GABRB2: variants seen among roughly 807,000 people sequenced by gnomAD.
The protein encoded by GABRB2 is gamma-aminobutyric acid type A receptor subunit beta2.
Under a neutral mutation model 54.7 loss-of-function variants are expected in GABRB2, and 16 were observed. The observed-to-expected ratio is 0.29, with a 90% CI of 0.20 to 0.44. The LOEUF (loss-of-function observed/expected upper bound fraction) is 0.44, where lower values mean the gene tolerates loss of function less well. Ranked by LOEUF, GABRB2 falls within the 20% of genes least tolerant of loss-of-function variation. The pLI is 1.00. For synonymous variants in GABRB2, 244 were observed against 233.8 expected (o/e 1.04, Z -0.40); for missense variants, 355 against 644.0 (o/e 0.55, Z 4.86).
chr5:161,469,157 A>G (rs1482438333), intron 3 of GABRB2, among the ~76,000 whole-genome samples: 1 of 151,872 alleles, frequency 6.6e-6, no homozygotes, highest in Non-Finnish European at 1.5e-5. Context: ...TATTTTTGTT[A>G]ATCTGTGTTT....
intron 3 of GABRB2, among the ~76,000 whole-genome samples, chr5:161,525,367 T>C (rs1561682177): frequency 6.6e-6 from 1 of 151,344 alleles, no homozygotes; most frequent in Non-Finnish European, 1.5e-5. Context: ...AATTTAATAA[T>C]TTTTAGATTG....
chr5:161,290,165 A>G lies in GABRB2; in HGVS notation c.*3916T>C, dbSNP rs1757196864. ...AGTTATGGTTGCTCACATTACATGT[A>G]CTCTGTACATTTAGCCAAATGGCAT... On this transcript the variant is annotated 3_prime_UTR_variant, in exon 10 of 10. Coordinates refer to ENST00000393959, the MANE Select transcript of GABRB2 (RefSeq NM_001371727.1). 6.6e-6 allele frequency: 1 copy of G among 152,380 alleles called. No individual in the cohort carries two copies. Among genetic ancestry groups the G allele is most frequent in the African/African-American group, 2.4e-5 (1 of 41,318 alleles). The allele number at this position is 152,380 out of a possible 1,614,324, so 9.4% of individuals were successfully genotyped here.
At chr5:161,419,510 T>C (rs1580970284) in intron 4 of GABRB2, among the ~76,000 whole-genome samples, 1 of 152,234 alleles carries the variant, frequency 6.6e-6, no homozygotes, top group South Asian at 2.1e-4. Context: ...ACTGCTCTTA[T>C]ATGTTTATCT....
intron 3 of GABRB2, among the ~76,000 whole-genome samples, chr5:161,471,656 C>T (rs1047935518): frequency 2.6e-5 from 4 of 152,054 alleles, no homozygotes; most frequent in East Asian, 3.9e-4. Flanking sequence ...TAGGTGATAA[C>T]GGGACTGGTT....
Position 161,415,930 on chromosome 5 carries a change from T to TTGTTTTGTTG in GABRB2, c.459-4874_459-4873insCAACAAAACA. Among the ~76,000 whole-genome samples the TTGTTTTGTTG allele has an allele frequency of 2.1e-5, 3 of 144,668 alleles. No homozygotes were observed. In the South Asian group the frequency reaches 6.4e-4, roughly 31 times the overall value. The allele number at this position is 144,668 out of a possible 152,430, so 94.9% of individuals were successfully genotyped here. A position where few individuals can be genotyped will look rare whatever the true frequency, so the allele number is the denominator to read the frequency against. ...ACCCGGCCCCAAGTTTGTTTTTGTT[T>TTGTTTTGTTG]TGTTTTGTTTTGTTTTGTTTTGTTT... is the stretch of plus-strand genomic sequence containing the variant. On this transcript the variant is annotated intron_variant, in intron 4 of 9. Transcript: ENST00000393959.
intron 4 of GABRB2, among the ~76,000 whole-genome samples, chr5:161,447,967 G>A (rs1436073625): frequency 6.6e-6 from 1 of 152,102 alleles, no homozygotes; most frequent in Non-Finnish European, 1.5e-5. Flanking sequence ...GACAGTTAGA[G>A]AATAGCTATT....
intron 3 of GABRB2, among the ~76,000 whole-genome samples, chr5:161,463,555 T>TAGATATATATATA (rs1236064276): frequency 3.4e-4 from 8 of 23,710 alleles, no homozygotes; most frequent in African/African-American, 1.2e-3. Context: ...ATATTTTTAT[T>TAGATATATATATA]TATATATATA....
chr5:161,541,593 T>G (rs1760818940), intron 3 of GABRB2, among the ~76,000 whole-genome samples: 1 of 152,264 alleles, frequency 6.6e-6, no homozygotes, highest in African/African-American at 2.4e-5. Flanking sequence ...TTTTATGTTA[T>G]GAAGACAGCT....
intron 9 of GABRB2, among the ~76,000 whole-genome samples, chr5:161,311,656 T>C (rs1757872107): frequency 6.6e-6 from 1 of 152,220 alleles, no homozygotes; most frequent in African/African-American, 2.4e-5. Context: ...GTACTTCAGG[T>C]ATAACTCATT....
At chr5:161,469,680 CACAT>C (rs1758383224) in intron 3 of GABRB2, among the ~76,000 whole-genome samples, 1 of 105,208 alleles carries the variant, frequency 9.5e-6, no homozygotes, top group East Asian at 3.2e-4. Context: ...TTCACACATA[CACAT>C]ACACATACAC....
At chr5:161,534,568 A>C (rs1760571641) in intron 3 of GABRB2, among the ~76,000 whole-genome samples, 1 of 152,184 alleles carries the variant, frequency 6.6e-6, no homozygotes, top group Non-Finnish European at 1.5e-5. Context: ...GGGTAAATGC[A>C]CAGTCAGATG....
At chr5:161,344,354 C>T (rs141195245) in intron 5 of GABRB2, among the ~76,000 whole-genome samples, 157 of 152,088 alleles carry the variant, frequency 1.0e-3, no homozygotes, top group African/African-American at 3.4e-3. Flanking sequence ...TTTGTAGTCA[C>T]GCTAGTTTTG....
At chr5:161,417,160 T>C (rs537711900) in intron 4 of GABRB2, among the ~76,000 whole-genome samples, 60 of 152,330 alleles carry the variant, frequency 3.9e-4, no homozygotes, top group African/African-American at 1.4e-3. Context: ...AAAATGGAAA[T>C]AATATCTTAC....
At chr5:161,467,896 G>A (rs534574797) in intron 3 of GABRB2, among the ~76,000 whole-genome samples, 118 of 152,130 alleles carry the variant, frequency 7.8e-4, no homozygotes, top group African/African-American at 2.6e-3. Context: ...TGCCTCTTAC[G>A]TGGTATAAAT....
chr5:161,348,417 C>T (rs1255272829), intron 5 of GABRB2, among the ~76,000 whole-genome samples: 1 of 152,026 alleles, frequency 6.6e-6, no homozygotes, highest in Non-Finnish European at 1.5e-5. Context: ...TAGTTGGATT[C>T]TCACATTTGC....
At chr5:161,391,648 A>G (rs1013524509) in intron 5 of GABRB2, among the ~76,000 whole-genome samples, 9 of 152,196 alleles carry the variant, frequency 5.9e-5, no homozygotes, top group Non-Finnish European at 8.8e-5. Flanking sequence ...AAATGGGGAC[A>G]ACAAATTAAG....
At chr5:161,300,714 T>C (rs1457966475) in intron 9 of GABRB2, among the ~76,000 whole-genome samples, 1 of 152,180 alleles carries the variant, frequency 6.6e-6, no homozygotes, top group East Asian at 1.9e-4. Context: ...TGAGTAAATC[T>C]GGAATGAATC....
intron 5 of GABRB2, among the ~76,000 whole-genome samples, chr5:161,343,071 G>C (rs542971980): frequency 6.6e-6 from 1 of 152,064 alleles, no homozygotes. Context: ...GGGATCTTTC[G>C]AGAGGCAGAG....
chr5:161,376,693 C>A (rs1477143332), intron 5 of GABRB2, among the ~76,000 whole-genome samples: 4 of 151,912 alleles, frequency 2.6e-5, no homozygotes, highest in African/African-American at 7.3e-5. Context: ...ATAATCCCAG[C>A]CCAACATTAA....
Sources: gnomAD v4.1 joint callset for allele counts (sites outside exome capture counted in the v4.1 genomes callset) on GRCh38, gnomAD v4.1.1 for gene constraint, MANE v1.5 for transcripts, NCBI Gene and HGNC (gene_info 2026-07-23, HGNC 2026-07-21) for gene names.